The following LDLRAD3 variants were observed in gnomAD, a reference collection of about 807,000 sequenced individuals.
LDLRAD3 encodes low density lipoprotein receptor class A domain containing 3.
LDLRAD3 carries 20 observed loss-of-function variants against 29.4 expected under a neutral mutation model. The ratio of observed to expected loss-of-function variants is 0.68; its 90% CI spans 0.48 to 0.99. LDLRAD3 has a LOEUF of 0.99. LDLRAD3 is among the 50% of genes least tolerant of loss of function. The pLI is 0.00. For synonymous variants in LDLRAD3, 157 were observed against 192.7 expected (o/e 0.81, Z 1.53); for missense variants, 420 against 454.3 (o/e 0.92, Z 0.69).
chr11:36,221,221 T>C (rs546883667), intron 4 of LDLRAD3, among the ~76,000 whole-genome samples: 7 of 152,170 alleles, frequency 4.6e-5, no homozygotes, highest in African/African-American at 1.7e-4. Flanking sequence ...GTGGGTGTCA[T>C]GCGCTTATAA....
intron 1 of LDLRAD3, among the ~76,000 whole-genome samples, chr11:35,993,807 A>G (rs1404460442): frequency 6.6e-6 from 1 of 152,142 alleles, no homozygotes; most frequent in African/African-American, 2.4e-5. Flanking sequence ...GGCCCCTTCC[A>G]GTGTCTGTGA....
At chr11:36,014,586 T>A (rs1394735699) in intron 1 of LDLRAD3, among the ~76,000 whole-genome samples, 1 of 152,120 alleles carries the variant, frequency 6.6e-6, no homozygotes, top group African/African-American at 2.4e-5. Flanking sequence ...TGGCAGAAAC[T>A]TTGCTGGCGA....
intron 1 of LDLRAD3, among the ~76,000 whole-genome samples, chr11:36,008,393 C>G (rs2133184938): frequency 1.3e-5 from 2 of 152,258 alleles, no homozygotes; most frequent in African/African-American, 4.8e-5. Context: ...CGGTAGCATT[C>G]CTATTTGGTG....
chr11:36,067,732 G>A (rs1449194034), intron 2 of LDLRAD3, among the ~76,000 whole-genome samples: 1 of 152,230 alleles, frequency 6.6e-6, no homozygotes, highest in Non-Finnish European at 1.5e-5. Flanking sequence ...GTGCATTGGT[G>A]TAATCTCAGC....
At chr11:36,199,585 A>ACGCACGCACG (rs1554973189) in intron 4 of LDLRAD3, among the ~76,000 whole-genome samples, 58 of 150,462 alleles carry the variant, frequency 3.9e-4, no homozygotes, top group African/African-American at 1.2e-3. Flanking sequence ...ACACACACAC[A>ACGCACGCACG]CACGCACGCA....
chr11:36,105,238 T>TGTGTGAGA (rs1343780985), intron 4 of LDLRAD3, among the ~76,000 whole-genome samples: 6 of 128,344 alleles, frequency 4.7e-5, no homozygotes, highest in South Asian at 2.7e-4. Context: ...TGTGTGTGTG[T>TGTGTGAGA]GAGAGAGAGA....
intron 4 of LDLRAD3, among the ~76,000 whole-genome samples, chr11:36,105,205 T>TTGTGTGTGTGTGTGTGTGTGTG (rs10565208): frequency 1.4e-5 from 2 of 138,470 alleles, no homozygotes; most frequent in East Asian, 2.2e-4. Context: ...TCTGCAGAAT[T>TTGTGTGTGTGTGTGTGTGTGTG]TGTGTGTGTG....
At chr11:36,047,061 G>A (rs1852461244) in intron 2 of LDLRAD3, among the ~76,000 whole-genome samples, 1 of 149,578 alleles carries the variant, frequency 6.7e-6, no homozygotes, top group Non-Finnish European at 1.5e-5. Context: ...GCTGGAGGGG[G>A]CTGCTGTGGA....
chr11:36,048,256 C>T (rs1852480568), intron 2 of LDLRAD3, among the ~76,000 whole-genome samples: 1 of 152,190 alleles, frequency 6.6e-6, no homozygotes, highest in Non-Finnish European at 1.5e-5. Context: ...CCTCCTCTTC[C>T]CTGAACCATT....
chr11:36,038,037 C>CAA (rs1265752507), intron 2 of LDLRAD3, among the ~76,000 whole-genome samples: 2 of 152,126 alleles, frequency 1.3e-5, no homozygotes, highest in Admixed American at 1.3e-4. Flanking sequence ...GCTGGGACCA[C>CAA]AGGAGTGCGC....
At chr11:36,187,373 T>C (rs971773095) in intron 4 of LDLRAD3, among the ~76,000 whole-genome samples, 2 of 152,184 alleles carry the variant, frequency 1.3e-5, no homozygotes, top group Non-Finnish European at 2.9e-5. Context: ...ATAATACAAA[T>C]ATATAGATGT....
intron 4 of LDLRAD3, among the ~76,000 whole-genome samples, chr11:36,201,012 A>G (rs1855119685): frequency 6.6e-6 from 1 of 152,188 alleles, no homozygotes; most frequent in South Asian, 2.1e-4. Context: ...ACAGAGGGGG[A>G]GAAAGAAATG....
intron 4 of LDLRAD3, among the ~76,000 whole-genome samples, chr11:36,149,002 C>T (rs1040501502): frequency 6.6e-6 from 1 of 152,176 alleles, no homozygotes; most frequent in Non-Finnish European, 1.5e-5. Context: ...TGTGTTGATA[C>T]GTATGATGAA....
rs12421151 is a variant in LDLRAD3, at chr11:36,213,581, G to A, written c.455-13504G>A. Among the ~76,000 whole-genome samples, 19,063 of 152,200 alleles carry A rather than the reference G, an allele frequency of 0.13. 1,475 individuals are homozygous for A. The highest frequency in any genetic ancestry group is 0.21 in the African/African-American group (8,925 of 41,516). On this transcript the variant is annotated intron_variant, in intron 4 of 5. Coordinates refer to ENST00000315571, the MANE Select transcript of LDLRAD3 (RefSeq NM_174902.4). This position sits in a 1 kb window ranked among gnomAD's most constrained non-coding sequence, Gnocchi z 4.1. ...CCTTGATGCTTCCAGGCTTGAGAAA[G>A]TGTGGCTGCCACTGTGGCAGAGGCC...
intron 1 of LDLRAD3, among the ~76,000 whole-genome samples, chr11:35,991,883 G>A (rs868426603): frequency 6.6e-6 from 1 of 151,862 alleles, no homozygotes; most frequent in Non-Finnish European, 1.5e-5. Context: ...GTGTGTGTGT[G>A]TGTGTGTGTG....
intron 2 of LDLRAD3, among the ~76,000 whole-genome samples, chr11:36,074,918 C>T (rs561108019): frequency 6.6e-6 from 1 of 152,296 alleles, no homozygotes; most frequent in East Asian, 1.9e-4. Context: ...AAAGCATTAA[C>T]GCAGCAGGCC....
chr11:36,111,879 G>C (rs931495990), intron 4 of LDLRAD3, among the ~76,000 whole-genome samples: 2 of 152,174 alleles, frequency 1.3e-5, no homozygotes, highest in African/African-American at 4.8e-5. Flanking sequence ...TTACAGGCGT[G>C]AGCCACCACG....
chr11:35,988,149 G>A (rs575575591), intron 1 of LDLRAD3, among the ~76,000 whole-genome samples: 6 of 151,656 alleles, frequency 4.0e-5, no homozygotes, highest in Admixed American at 6.6e-5. Context: ...TCTCAATCTC[G>A]TCGGGTCAAG....
At chr11:36,159,217 C>T (rs1195897614) in intron 4 of LDLRAD3, among the ~76,000 whole-genome samples, 1 of 152,142 alleles carries the variant, frequency 6.6e-6, no homozygotes, top group African/African-American at 2.4e-5. Flanking sequence ...GCTGTAATCC[C>T]AGCACTTAGG....
Sources: allele counts gnomAD v4.1 joint callset (sites outside exome capture counted in the v4.1 genomes callset), GRCh38; gene constraint gnomAD v4.1.1; non-coding constraint Gnocchi (gnomAD v3.1); transcripts MANE v1.5; gene names NCBI Gene and HGNC (gene_info 2026-07-23, HGNC 2026-07-21).